Variants in RBMS3 observed in about 807,000 individuals in gnomAD.
RBMS3 encodes RNA-binding motif, single-stranded-interacting protein 3.
In RBMS3, 27 loss-of-function variants were observed where a neutral mutation model predicts 66.8. The ratio of observed to expected loss-of-function variants is 0.40; its 90% CI spans 0.30 to 0.56. The LOEUF (loss-of-function observed/expected upper bound fraction) is 0.56. Among genes scored for constraint, RBMS3 ranks in the 20% least tolerant of loss-of-function variants. The pLI is 0.40. For synonymous variants in RBMS3, 188 were observed against 183.0 expected, an observed-to-expected ratio of 1.03 and a Z score of -0.22; for missense variants, 513 against 549.5, an observed-to-expected ratio of 0.93 and a Z score of 0.66.
chr3:29,420,947 G>GCAAAAAAA (rs777463375), intron 1 of RBMS3, among the ~76,000 whole-genome samples: 26 of 125,474 alleles, frequency 2.1e-4, no homozygotes, highest in African/African-American at 6.4e-4. Context: ...TACTAAAAAT[G>GCAAAAAAA]AAAAAAAAAA....
intron 3 of RBMS3, among the ~76,000 whole-genome samples, chr3:29,529,291 C>G (rs903087414): frequency 6.6e-6 from 1 of 152,052 alleles, no homozygotes; most frequent in Non-Finnish European, 1.5e-5. Flanking sequence ...TAAACAGGAT[C>G]TAATCTTCCA....
intron 1 of RBMS3, among the ~76,000 whole-genome samples, chr3:29,394,309 G>T (rs1266364595): frequency 6.6e-6 from 1 of 152,152 alleles, no homozygotes; most frequent in Non-Finnish European, 1.5e-5. Flanking sequence ...AGACTTTATG[G>T]TTATCTCCCT....
chr3:29,929,175 A>T (rs933433066), intron 10 of RBMS3, among the ~76,000 whole-genome samples: 4 of 152,200 alleles, frequency 2.6e-5, no homozygotes, highest in Non-Finnish European at 5.9e-5. Context: ...TTCAGTCAAC[A>T]AAATCCCTTT....
intron 12 of RBMS3, among the ~76,000 whole-genome samples, chr3:29,946,755 T>G (rs781551682): frequency 2.0e-5 from 3 of 151,462 alleles, no homozygotes; most frequent in Non-Finnish European, 3.0e-5. Flanking sequence ...GAACAGAGAT[T>G]TGGAAAACTA....
intron 12 of RBMS3, among the ~76,000 whole-genome samples, chr3:29,984,287 G>A (rs1338003174): frequency 3.3e-5 from 5 of 151,736 alleles, no homozygotes; most frequent in South Asian, 2.1e-4. Context: ...TTTTTTAAAC[G>A]GGTTATTCTA....
At chr3:29,830,475 CAAAAG>C (rs2058343776) in intron 6 of RBMS3, among the ~76,000 whole-genome samples, 1 of 152,000 alleles carries the variant, frequency 6.6e-6, no homozygotes, top group Non-Finnish European at 1.5e-5. Context: ...CACGGTAAAA[CAAAAG>C]AAAGAAATCT....
At chr3:29,521,949 G>A (rs2044876612) in intron 3 of RBMS3, among the ~76,000 whole-genome samples, 1 of 152,198 alleles carries the variant, frequency 6.6e-6, no homozygotes, top group Non-Finnish European at 1.5e-5. Flanking sequence ...AAGATCATGA[G>A]TTATTTAATT....
At chr3:29,423,373 A>C (rs184202357) in intron 1 of RBMS3, among the ~76,000 whole-genome samples, 1 of 152,326 alleles carries the variant, frequency 6.6e-6, no homozygotes, top group African/African-American at 2.4e-5. Context: ...TTTACTTCCT[A>C]CAAATCTTTT....
chr3:29,465,753 T>C (rs2042521857), intron 2 of RBMS3, among the ~76,000 whole-genome samples: 1 of 152,228 alleles, frequency 6.6e-6, no homozygotes, highest in African/African-American at 2.4e-5. Context: ...GTTCATAGTA[T>C]TGACTTTCTA....
chr3:29,546,026 C>T (rs565159170), intron 3 of RBMS3, among the ~76,000 whole-genome samples: 3 of 151,736 alleles, frequency 2.0e-5, no homozygotes, highest in African/African-American at 4.8e-5. Context: ...CAGAATAAAA[C>T]GCTGACAAAA....
At chr3:29,482,710 T>TTTC (rs2043179524) in intron 2 of RBMS3, among the ~76,000 whole-genome samples, 1 of 108,694 alleles carries the variant, frequency 9.2e-6, no homozygotes, top group South Asian at 3.0e-4. Flanking sequence ...TCTTTTTTTT[T>TTTC]TTTTTTTTTT....
chr3:29,863,533 A>G (rs570314402), intron 6 of RBMS3, among the ~76,000 whole-genome samples: 1 of 152,264 alleles, frequency 6.6e-6, no homozygotes, highest in South Asian at 2.1e-4. Flanking sequence ...ATGTCAGTAA[A>G]TATAAATAGG....
At chr3:29,777,371 TA>T (rs1201249872) in intron 6 of RBMS3, among the ~76,000 whole-genome samples, 1 of 151,948 alleles carries the variant, frequency 6.6e-6, no homozygotes, top group East Asian at 1.9e-4. Flanking sequence ...ATGTTTGATA[TA>T]GACACACTAA....
intron 3 of RBMS3, among the ~76,000 whole-genome samples, chr3:29,524,325 C>T (rs1329428362): frequency 6.6e-6 from 1 of 151,456 alleles, no homozygotes; most frequent in Non-Finnish European, 1.5e-5. Context: ...CCTTATGATG[C>T]CTGAGAACTG....
rs377656879 is a variant in RBMS3, at chr3:29,866,860, T to C, written c.638-1998T>C. Among the ~76,000 whole-genome samples, 9 of 152,298 alleles carry C rather than the reference T, an allele frequency of 5.9e-5. No homozygotes were observed. The East Asian group carries it at 1.5e-3, about 26-fold the overall frequency. The stretch of plus-strand genomic sequence containing the variant: ...CCAAGTCACTGAAGTCAGAGGCTCA[T>C]CAGAGCAGTCAGTGTGAAAAACCAC... On this transcript the variant is annotated intron_variant, in intron 6 of 14. Coordinates refer to ENST00000383767, the MANE Select transcript of RBMS3 (RefSeq NM_001003793.3).
At chr3:29,871,425 T>C (rs922081786) in intron 7 of RBMS3, among the ~76,000 whole-genome samples, 1 of 152,142 alleles carries the variant, frequency 6.6e-6, no homozygotes, top group Non-Finnish European at 1.5e-5. Flanking sequence ...CTTCATTCAG[T>C]GTCATGACTG....
chr3:29,652,773 A>G (rs1417985818), intron 4 of RBMS3, among the ~76,000 whole-genome samples: 6 of 152,156 alleles, frequency 3.9e-5, no homozygotes, highest in Non-Finnish European at 8.8e-5. Context: ...GAATCTTTTT[A>G]CCAAGCCACA....
intron 3 of RBMS3, among the ~76,000 whole-genome samples, chr3:29,553,610 G>C (rs923449149): frequency 6.6e-6 from 1 of 152,046 alleles, no homozygotes; most frequent in Non-Finnish European, 1.5e-5. Context: ...TCACCAAAAC[G>C]ATCAAGAGCT....
intron 4 of RBMS3, among the ~76,000 whole-genome samples, chr3:29,657,138 T>G (rs1465462698): frequency 6.6e-6 from 1 of 152,232 alleles, no homozygotes; most frequent in Non-Finnish European, 1.5e-5. Context: ...GTGGTAGAGC[T>G]CTGCCCTAAG....
Sources: allele counts gnomAD v4.1 joint callset (sites outside exome capture counted in the v4.1 genomes callset), GRCh38; gene constraint gnomAD v4.1.1; transcripts MANE v1.5; gene names NCBI Gene and HGNC (gene_info 2026-07-23, HGNC 2026-07-21).